The following GRM5 variants were observed in gnomAD, a reference collection of about 807,000 sequenced individuals.
The protein encoded by GRM5 is metabotropic glutamate receptor 5.
GRM5 carries 19 observed loss-of-function variants against 83.1 expected under a neutral mutation model. The ratio of observed to expected loss-of-function variants is 0.23; its 90% CI spans 0.16 to 0.34. The LOEUF is 0.34. GRM5 is among the 10% of genes least tolerant of loss of function. GRM5 has a pLI of 1.00. For synonymous variants in GRM5, 675 were observed against 633.6 expected (o/e 1.07, Z -0.98); for missense variants, 1,160 against 1,588.3 (o/e 0.73, Z 4.58).
chr11:88,660,567 T>G (rs574761238), intron 3 of GRM5, among the ~76,000 whole-genome samples: 1 of 152,306 alleles, frequency 6.6e-6, no homozygotes, highest in African/African-American at 2.4e-5. Flanking sequence ...TGTTGGAATC[T>G]GAATGAATAT....
chr11:88,715,712 T>C (rs1941385848), intron 3 of GRM5, among the ~76,000 whole-genome samples: 1 of 152,060 alleles, frequency 6.6e-6, no homozygotes, highest in South Asian at 2.1e-4. Context: ...GTGCCAACTA[T>C]GTTTTCCTGC....
At chr11:89,061,083 A>G (rs956088763) in intron 1 of GRM5, among the ~76,000 whole-genome samples, 14 of 152,286 alleles carry the variant, frequency 9.2e-5, no homozygotes, top group South Asian at 6.2e-4. Flanking sequence ...CATATAACAT[A>G]TATGTATATC....
chr11:88,677,741 ATG>A (rs1209473308), intron 3 of GRM5, among the ~76,000 whole-genome samples: 1 of 152,168 alleles, frequency 6.6e-6, no homozygotes, highest in East Asian at 1.9e-4. Flanking sequence ...TTAAATTGAG[ATG>A]TGATTATCAA....
chr11:89,044,685 G>T (rs905355266), intron 2 of GRM5, among the ~76,000 whole-genome samples: 1 of 152,018 alleles, frequency 6.6e-6, no homozygotes, highest in African/African-American at 2.4e-5. Context: ...GAACAAAGGA[G>T]AATAATTATA....
chr11:88,820,111 G>A (rs6483484), intron 3 of GRM5, among the ~76,000 whole-genome samples: 149,777 of 152,106 alleles, frequency 0.98, 73,777 homozygotes, highest in East Asian at 1. Context: ...AAATAAGCCA[G>A]TGTACATGCC....
chr11:88,834,679 T>G (rs1181687394), intron 3 of GRM5, among the ~76,000 whole-genome samples: 4 of 152,192 alleles, frequency 2.6e-5, no homozygotes, highest in Non-Finnish European at 4.4e-5. Flanking sequence ...TCCAAGTGAT[T>G]GATTAGTTGA....
chr11:89,028,697 T>C (rs1198734761), intron 2 of GRM5, among the ~76,000 whole-genome samples: 1 of 152,204 alleles, frequency 6.6e-6, no homozygotes, highest in Non-Finnish European at 1.5e-5. Flanking sequence ...CACAATGTAA[T>C]GATCTTAAAA....
At chr11:88,998,055 G>A (rs1271174010) in intron 2 of GRM5, among the ~76,000 whole-genome samples, 1 of 151,062 alleles carries the variant, frequency 6.6e-6, no homozygotes, top group African/African-American at 2.4e-5. Context: ...AAAAATATGA[G>A]AGGCGGAGAG....
intron 3 of GRM5, among the ~76,000 whole-genome samples, chr11:88,690,954 C>T (rs953974926): frequency 2.0e-5 from 3 of 152,122 alleles, no homozygotes; most frequent in African/African-American, 7.2e-5. Context: ...GGACAAGAAG[C>T]AATTTAAAAC....
chr11:88,896,421 A>G (rs1243206433), intron 2 of GRM5, among the ~76,000 whole-genome samples: 1 of 152,004 alleles, frequency 6.6e-6, no homozygotes, highest in Non-Finnish European at 1.5e-5. Flanking sequence ...ACAAGAGTTG[A>G]GATGGGGCAG....
At chr11:88,560,076 T>C (rs1355168859) in intron 8 of GRM5, among the ~76,000 whole-genome samples, 1 of 151,998 alleles carries the variant, frequency 6.6e-6, no homozygotes, top group Admixed American at 6.6e-5. Context: ...GGAAATTGTA[T>C]AAGGATCAGT....
chr11:88,768,015 C>A (rs1052952564), intron 3 of GRM5, among the ~76,000 whole-genome samples: 1 of 151,870 alleles, frequency 6.6e-6, no homozygotes, highest in Admixed American at 6.6e-5. Context: ...AGTATAGCTG[C>A]TGTGGCAAAC....
chr11:88,767,551 A>G (rs1305185658), intron 3 of GRM5, among the ~76,000 whole-genome samples: 3 of 152,048 alleles, frequency 2.0e-5, no homozygotes, highest in Non-Finnish European at 4.4e-5. Context: ...GGAGGTCATT[A>G]TCCTAAGCAA....
intron 2 of GRM5, among the ~76,000 whole-genome samples, chr11:88,872,036 A>T (rs570056881): frequency 2.7e-4 from 41 of 151,640 alleles, no homozygotes; most frequent in South Asian, 1.9e-3. Context: ...AAACCTGTAA[A>T]TCTAATTATC....
At chr11:88,796,744 T>G (rs1943282443) in intron 3 of GRM5, among the ~76,000 whole-genome samples, 1 of 152,160 alleles carries the variant, frequency 6.6e-6, no homozygotes, top group Non-Finnish European at 1.5e-5. Flanking sequence ...CTTGAGATCT[T>G]AGGATCTTAG....
chr11:88,537,415 A>G lies in GRM5; in HGVS notation c.2631-12011T>C, dbSNP rs1202664385. 4.6e-5 allele frequency among the ~76,000 whole-genome samples: 7 copies of G among 152,184 alleles called. No homozygotes were observed. The East Asian group carries it at 1.3e-3, about 29-fold the overall frequency. On this transcript the variant is annotated intron_variant, in intron 8 of 9. Transcript: ENST00000305447. ...GACAATCAGTTTCGATGTGTGGGATACAGTGTGATAGCAGAAGACAGACAG... is the reference window on the plus strand; with the variant it reads ...GACAATCAGTTTCGATGTGTGGGATGCAGTGTGATAGCAGAAGACAGACAG...
At chr11:89,036,053 T>G (rs1435106714) in intron 2 of GRM5, among the ~76,000 whole-genome samples, 1 of 152,000 alleles carries the variant, frequency 6.6e-6, no homozygotes, top group Non-Finnish European at 1.5e-5. Context: ...TTGTTGAAAA[T>G]GTAAAAAAGA....
intron 2 of GRM5, among the ~76,000 whole-genome samples, chr11:89,011,788 C>A (rs1940707847): frequency 6.6e-6 from 1 of 152,134 alleles, no homozygotes; most frequent in Non-Finnish European, 1.5e-5. Flanking sequence ...TTTTATGTAA[C>A]CTTCATGGGA....
At chr11:88,641,328 A>G (rs1371293595) in intron 4 of GRM5, among the ~76,000 whole-genome samples, 4 of 152,010 alleles carry the variant, frequency 2.6e-5, no homozygotes, top group Non-Finnish European at 4.4e-5. Context: ...ACCAAGACCC[A>G]CCTCCAACAC....
Sources: allele counts gnomAD v4.1 joint callset (sites outside exome capture counted in the v4.1 genomes callset), GRCh38; gene constraint gnomAD v4.1.1; transcripts MANE v1.5; gene names NCBI Gene and HGNC (gene_info 2026-07-23, HGNC 2026-07-21).